Variants in RAB9A observed in about 807,000 individuals in gnomAD.
The protein encoded by RAB9A is ras-related protein Rab-9A.
RAB9A carries 1 observed loss-of-function variant against 10.3 expected under a neutral mutation model. The ratio of observed to expected loss-of-function variants is 0.10; its 90% CI spans 0.03 to 0.46. The LOEUF is 0.46. RAB9A is among the 20% of genes least tolerant of loss of function. RAB9A has a pLI of 0.96. For synonymous variants in RAB9A, 39 were observed against 55.2 expected (o/e 0.71, Z 1.30); for missense variants, 92 against 150.3 (o/e 0.61, Z 2.03).
chrX:13,691,913 G>A (rs1045696956), intron 1 of RAB9A, among the ~76,000 whole-genome samples: 1 of 109,745 alleles, frequency 9.1e-6, no homozygotes, highest in African/African-American at 3.3e-5. Flanking sequence ...ACAGTCATAA[G>A]ATTAGGTTCT....
At chrX:13,693,285 G>A (rs2046134131) in intron 1 of RAB9A, among the ~76,000 whole-genome samples, 3 of 112,537 alleles carry the variant, frequency 2.7e-5, no homozygotes, top group Admixed American at 1.9e-4. Flanking sequence ...TCAGAACCAA[G>A]CATAAGAGAA....
chrX:13,690,433 C>G (rs1402699977), intron 1 of RAB9A, among the ~76,000 whole-genome samples: 4 of 111,973 alleles, frequency 3.6e-5, no homozygotes, highest in Non-Finnish European at 7.5e-5. Context: ...CAAAGTTTCT[C>G]TTCTGGAGAC....
Position 13,708,780 on chromosome X carries a change from C to A in RAB9A, c.34C>A (p.Leu12Ile), listed in dbSNP as rs1429396615. 8.4e-7 allele frequency: 1 copy of A among 1,193,555 alleles called. No individual in the cohort carries two copies. Among genetic ancestry groups the A allele is most frequent in the East Asian group, 3.0e-5 (1 of 33,579 alleles). The change falls in exon 3 of 3, where the codon CTC becomes ATC. Residue 12 changes from leucine to isoleucine, a missense_variant. Coordinates refer to ENST00000464506, the MANE Select transcript of RAB9A (RefSeq NM_004251.5). Reference protein sequence around the residue: ...AGKSSLFKVILLGDGGVGKSS... With the variant: ...AGKSSLFKVIILGDGGVGKSS... The stretch of plus-strand genomic sequence containing the variant: ...AAAATCATCACTTTTTAAAGTAATT[C>A]TCCTTGGAGATGGTGGAGTTGGGAA...
At chrX:13,702,687 C>T (rs748577141) in intron 1 of RAB9A, among the ~76,000 whole-genome samples, 3 of 111,894 alleles carry the variant, frequency 2.7e-5, no homozygotes, top group South Asian at 3.7e-4. Flanking sequence ...GTGTCTCACT[C>T]ACTGAGGGAG....
At chrX:13,701,148 C>T (rs1602697934) in intron 1 of RAB9A, among the ~76,000 whole-genome samples, 1 of 110,781 alleles carries the variant, frequency 9.0e-6, no homozygotes. Context: ...TCACTACTAT[C>T]TAATTCCAGA....
intron 1 of RAB9A, 44 bp downstream of exon 1, chrX:13,689,332 G>C (rs1471301301): frequency 8.9e-6 from 1 of 112,713 alleles, no homozygotes; most frequent in Non-Finnish European, 1.9e-5. Flanking sequence ...CGGAGTGCGC[G>C]GGTGTCGGGG....
At chrX:13,689,866 T>C (rs1202888346) in intron 1 of RAB9A, among the ~76,000 whole-genome samples, 1 of 112,003 alleles carries the variant, frequency 8.9e-6, no homozygotes, top group African/African-American at 3.2e-5. Flanking sequence ...CTGGCTAACG[T>C]TTCACAATCG....
intron 1 of RAB9A, among the ~76,000 whole-genome samples, chrX:13,694,030 C>T (rs2046137209): frequency 8.9e-6 from 1 of 112,122 alleles, no homozygotes; most frequent in South Asian, 3.7e-4. Context: ...GAGAGCAAAA[C>T]AGTATAAAGG....
At chrX:13,702,541 C>A (rs1165098525) in intron 1 of RAB9A, among the ~76,000 whole-genome samples, 1 of 111,890 alleles carries the variant, frequency 8.9e-6, no homozygotes, top group East Asian at 2.8e-4. Flanking sequence ...AAATAGTTGG[C>A]CTGTGTTACA....
Position 13,689,163 on chromosome X carries a change from A to T in RAB9A, c.-241A>T, listed in dbSNP as rs1371416036. On this transcript the variant is annotated 5_prime_UTR_variant, in exon 1 of 3. Transcript: ENST00000464506. ...CTCCGCGCTGGACGGGAGCAGCTGG[A>T]GCGGGAGCCTGGCTGCGCTACCGCG... The T allele has an allele frequency of 8.9e-6, 1 of 112,797 alleles. No homozygotes were observed. The highest frequency in any genetic ancestry group is 3.2e-5 in the African/African-American group (1 of 31,039). The allele number at this position is 112,797 out of a possible 1,213,427, so 9.3% of individuals were successfully genotyped here.
At chrX:13,704,360 G>T (rs2046187972) in intron 2 of RAB9A, among the ~76,000 whole-genome samples, 1 of 111,891 alleles carries the variant, frequency 8.9e-6, no homozygotes, top group African/African-American at 3.2e-5. Context: ...AATATTGATT[G>T]TATGACTTTT....
At chrX:13,698,347 A>G (rs1305258732) in intron 1 of RAB9A, among the ~76,000 whole-genome samples, 2 of 110,237 alleles carry the variant, frequency 1.8e-5, no homozygotes, top group African/African-American at 6.6e-5. Context: ...TTCAGCTTCA[A>G]AAAAAGTTAC....
chrX:13,704,666 G>C (rs2046189812), intron 2 of RAB9A, among the ~76,000 whole-genome samples: 1 of 105,418 alleles, frequency 9.5e-6, no homozygotes, highest in Non-Finnish European at 1.9e-5. Context: ...CCAGGCTAGA[G>C]TGCAGTGGTG....
intron 1 of RAB9A, among the ~76,000 whole-genome samples, chrX:13,693,502 G>A (rs963306782): frequency 2.7e-5 from 3 of 111,896 alleles, no homozygotes; most frequent in East Asian, 2.8e-4. Context: ...GTCCCAGGCC[G>A]TGTTGCCAGA....
At chrX:13,695,970 T>C (rs184147323) in intron 1 of RAB9A, among the ~76,000 whole-genome samples, 6 of 111,516 alleles carry the variant, frequency 5.4e-5, no homozygotes, top group African/African-American at 2.0e-4. Flanking sequence ...AGAGGATTAC[T>C]GCCAGGCTGT....
intron 1 of RAB9A, among the ~76,000 whole-genome samples, chrX:13,698,190 CTTTTTTTTTTTTTTTTTTT>C (rs67802719): frequency 2.6e-4 from 10 of 38,352 alleles, no homozygotes; most frequent in Non-Finnish European, 2.3e-4. Flanking sequence ...TCTTTTTTTT[CTTTTTTTTTTTTTTTTTTT>C]TTTTGGCCCT....
intron 1 of RAB9A, among the ~76,000 whole-genome samples, chrX:13,692,004 G>GAA (rs1159852262): frequency 9.2e-6 from 1 of 109,111 alleles, no homozygotes; most frequent in African/African-American, 3.3e-5. Context: ...AGCAAAACAG[G>GAA]AAAAAAAAGC....
intron 2 of RAB9A, among the ~76,000 whole-genome samples, chrX:13,707,118 T>C (rs1416627176): frequency 4.4e-5 from 5 of 112,471 alleles, no homozygotes; most frequent in Non-Finnish European, 1.9e-5. Context: ...TGAATAAAAT[T>C]TAAAATGCGG....
intron 1 of RAB9A, among the ~76,000 whole-genome samples, chrX:13,699,962 C>CT (rs892537547): frequency 1.8e-3 from 202 of 110,479 alleles, no homozygotes; most frequent in African/African-American, 6.4e-3. Flanking sequence ...GATTTATATT[C>CT]TTTTTTTTTG....
Sources: allele counts gnomAD v4.1 joint callset (sites outside exome capture counted in the v4.1 genomes callset), GRCh38; gene constraint gnomAD v4.1.1; transcripts MANE v1.5; gene names NCBI Gene and HGNC (gene_info 2026-07-23, HGNC 2026-07-21).